The following PTPRG variants were observed in gnomAD, a reference collection of about 807,000 sequenced individuals.
The protein encoded by PTPRG is protein tyrosine phosphatase receptor type G.
PTPRG carries 102 observed loss-of-function variants against 165.3 expected under a neutral mutation model. The observed-to-expected ratio is 0.62, with a 90% confidence interval of 0.53 to 0.73. PTPRG has a LOEUF of 0.73. Ranked by LOEUF, PTPRG falls within the 30% of genes least tolerant of loss-of-function variation. PTPRG has a pLI of 0.00. For synonymous variants in PTPRG, 675 were observed against 669.5 expected (o/e 1.01, Z -0.13); for missense variants, 1,866 against 1,861.4 (o/e 1.00, Z -0.05).
At chr3:61,977,595 CT>C (rs11302623) in intron 2 of PTPRG, among the ~76,000 whole-genome samples, 70,073 of 150,968 alleles carry the variant, frequency 0.46, 17,016 homozygotes, top group African/African-American at 0.63. Context: ...CTGCAACTAG[CT>C]TTTTTTTTCA....
At chr3:62,094,443 C>T (rs768232768) in intron 5 of PTPRG, among the ~76,000 whole-genome samples, 3 of 152,158 alleles carry the variant, frequency 2.0e-5, no homozygotes, top group Non-Finnish European at 4.4e-5. Flanking sequence ...GTCGCTCTCT[C>T]CTGAAATCTG....
intron 6 of PTPRG, among the ~76,000 whole-genome samples, chr3:62,145,683 CTCTG>C (rs1407057438): frequency 2.6e-5 from 4 of 152,170 alleles, no homozygotes; most frequent in Admixed American, 2.6e-4. Context: ...AACTGTTAAC[CTCTG>C]TCTGTGCACC....
chr3:62,279,867 C>G (rs1412003321), intron 26 of PTPRG, among the ~76,000 whole-genome samples: 1 of 152,036 alleles, frequency 6.6e-6, no homozygotes, highest in Admixed American at 6.6e-5. Flanking sequence ...ATGATAGTAG[C>G]TAGGCATCCT....
chr3:62,055,364 A>G (rs1207040614), intron 4 of PTPRG, among the ~76,000 whole-genome samples: 1 of 152,220 alleles, frequency 6.6e-6, no homozygotes, highest in Non-Finnish European at 1.5e-5. Context: ...GAGGCTGGGC[A>G]TGCTAATGAG....
In PTPRG at chr3:61,854,367, C is replaced by T. The variant is rs544915317; in HGVS notation, c.190+105385C>T. Among the ~76,000 whole-genome samples the T allele has an allele frequency of 1.3e-3, 195 of 152,260 alleles. 1 individual carries two copies. Among genetic ancestry groups the T allele is most frequent in the African/African-American group, 4.2e-3 (175 of 41,546 alleles). On this transcript the variant is annotated intron_variant, in intron 2 of 29. Coordinates refer to ENST00000474889, the MANE Select transcript of PTPRG (RefSeq NM_002841.4). The stretch of plus-strand genomic sequence containing the variant: ...AAATAGGTCTGATTTCACCTATTCT[C>T]ATCTATAGGCTGTGAGAAATTAATA...
At chr3:62,260,122 T>G (rs1701649790) in intron 16 of PTPRG, among the ~76,000 whole-genome samples, 1 of 152,170 alleles carries the variant, frequency 6.6e-6, no homozygotes, top group African/African-American at 2.4e-5. Flanking sequence ...ACACTGTACA[T>G]GCACTGGGTC....
chr3:61,969,716 G>A (rs2040343105), intron 2 of PTPRG, among the ~76,000 whole-genome samples: 1 of 152,078 alleles, frequency 6.6e-6, no homozygotes, highest in Admixed American at 6.6e-5. Flanking sequence ...CTGGTCATTG[G>A]GACTAAAACA....
chr3:62,073,431 G>T (rs946534505), intron 4 of PTPRG, among the ~76,000 whole-genome samples: 1 of 152,130 alleles, frequency 6.6e-6, no homozygotes, highest in African/African-American at 2.4e-5. Flanking sequence ...CTCCAATAGC[G>T]GGATAAACCC....
chr3:62,219,267 C>T lies in PTPRG; in HGVS notation c.2288+284C>T, dbSNP rs947661699. On this transcript the variant is annotated intron_variant, in intron 13 of 29. Coordinates refer to ENST00000474889, the MANE Select transcript of PTPRG (RefSeq NM_002841.4). This position sits in a 1 kb window ranked among gnomAD's most constrained non-coding sequence, Gnocchi z 4.5. ...GTTCAGATCCAAGCTCTGCTACTTG[C>T]TAGATCCAAATCCCGTGTCCACTTT... Among the ~76,000 whole-genome samples the T allele has an allele frequency of 2.6e-5, 4 of 152,204 alleles. No individual in the cohort carries two copies. Among genetic ancestry groups the T allele is most frequent in the African/African-American group, 9.7e-5 (4 of 41,450 alleles).
At chr3:61,612,400 T>A (rs536079636) in intron 1 of PTPRG, among the ~76,000 whole-genome samples, 2 of 152,328 alleles carry the variant, frequency 1.3e-5, no homozygotes, top group East Asian at 3.9e-4. Context: ...ACTGTTCTCT[T>A]GGATGACCTT....
chr3:62,038,794 T>G (rs1575922962), intron 4 of PTPRG, among the ~76,000 whole-genome samples: 3 of 152,130 alleles, frequency 2.0e-5, no homozygotes. Context: ...TTTTCCAACT[T>G]CCTCTATTTT....
chr3:62,252,973 C>A lies in PTPRG; in HGVS notation c.2468-2151C>A, dbSNP rs897347313. On this transcript the variant is annotated intron_variant, in intron 15 of 29. Coordinates refer to ENST00000474889, the MANE Select transcript of PTPRG (RefSeq NM_002841.4). This position sits in a 1 kb window ranked among gnomAD's most constrained non-coding sequence, Gnocchi z 4.6. ...GAGAGACTAGTGAGTCATATATTTC[C>A]ATGATTATCACACTGAACTCTGCTG... Among the ~76,000 whole-genome samples, 18 of 152,130 alleles carry A rather than the reference C, an allele frequency of 1.2e-4. No individual in the cohort carries two copies. The highest frequency in any genetic ancestry group is 4.3e-4 in the African/African-American group (18 of 41,428).
intron 15 of PTPRG, among the ~76,000 whole-genome samples, chr3:62,248,430 A>T (rs1013156008): frequency 6.6e-6 from 1 of 152,304 alleles, no homozygotes; most frequent in South Asian, 2.1e-4. Flanking sequence ...GAATGCAGTA[A>T]CACAGCTGTC....
intron 2 of PTPRG, among the ~76,000 whole-genome samples, chr3:61,821,714 G>A (rs530472517): frequency 6.6e-5 from 10 of 152,270 alleles, no homozygotes; most frequent in Admixed American, 2.0e-4. Flanking sequence ...GTAAGGGGTC[G>A]TGAGGTGAGT....
In PTPRG at chr3:62,222,247, G is replaced by C. The variant is rs919564720; in HGVS notation, c.2288+3264G>C. On this transcript the variant is annotated intron_variant, in intron 13 of 29. Transcript: ENST00000474889. This position sits in a 1 kb window ranked among gnomAD's most constrained non-coding sequence, Gnocchi z 4.5. ...ATTCATGGAATTGAGAAGTTCAGGA[G>C]CATTGGGCCTGGCTGAATTTGTAAG... Among the ~76,000 whole-genome samples the C allele has an allele frequency of 1.3e-5, 2 of 152,240 alleles. No homozygotes were observed. The highest frequency in any genetic ancestry group is 2.4e-5 in the African/African-American group (1 of 41,470).
chr3:61,660,480 T>A (rs773237500), intron 1 of PTPRG, among the ~76,000 whole-genome samples: 5 of 152,212 alleles, frequency 3.3e-5, no homozygotes, highest in Non-Finnish European at 5.9e-5. Flanking sequence ...GTTTGGATAC[T>A]GAGGCTGGAC....
intron 2 of PTPRG, among the ~76,000 whole-genome samples, chr3:61,974,482 G>A (rs1305843067): frequency 6.6e-6 from 1 of 152,110 alleles, no homozygotes; most frequent in African/African-American, 2.4e-5. Flanking sequence ...GAACCCAGAA[G>A]GCAGAGGTTG....
chr3:61,884,211 T>G (rs2037967097), intron 2 of PTPRG, among the ~76,000 whole-genome samples: 1 of 152,198 alleles, frequency 6.6e-6, no homozygotes, highest in South Asian at 2.1e-4. Context: ...GTTGCTAAAT[T>G]GATAATTATG....
At chr3:61,612,322 G>A (rs1701193511) in intron 1 of PTPRG, among the ~76,000 whole-genome samples, 1 of 152,202 alleles carries the variant, frequency 6.6e-6, no homozygotes, top group African/African-American at 2.4e-5. Flanking sequence ...TCTCTGGTGA[G>A]CTTCTTGGAA....
Sources: gnomAD v4.1 joint callset for allele counts (sites outside exome capture counted in the v4.1 genomes callset) on GRCh38, gnomAD v4.1.1 for gene constraint, Gnocchi (gnomAD v3.1) non-coding constraint, MANE v1.5 for transcripts, NCBI Gene and HGNC (gene_info 2026-07-23, HGNC 2026-07-21) for gene names.